SYNJ1: variants seen among roughly 807,000 people sequenced by gnomAD.
The protein encoded by SYNJ1 is synaptojanin 1.
Under a neutral mutation model 168.2 loss-of-function variants are expected in SYNJ1, and 78 were observed. The ratio of observed to expected loss-of-function variants is 0.46; its 90% CI spans 0.39 to 0.56. SYNJ1 has a LOEUF of 0.56. Among genes scored for constraint, SYNJ1 ranks in the 20% least tolerant of loss-of-function variants. The pLI, the probability that SYNJ1 is intolerant of heterozygous loss-of-function variation, is 0.00. For synonymous variants in SYNJ1, 539 were observed against 548.6 expected (o/e 0.98, Z 0.24); for missense variants, 1,303 against 1,597.6 (o/e 0.82, Z 3.14).
chr21:32,722,585 T>C (rs2043288585), intron 2 of SYNJ1, among the ~76,000 whole-genome samples: 1 of 152,198 alleles, frequency 6.6e-6, no homozygotes, highest in South Asian at 2.1e-4. Flanking sequence ...AAAATATCTC[T>C]TATTTTCAAA....
At chr21:32,719,673 A>G (rs1364493910) in intron 2 of SYNJ1, among the ~76,000 whole-genome samples, 2 of 151,528 alleles carry the variant, frequency 1.3e-5, no homozygotes, top group Non-Finnish European at 2.9e-5. Context: ...AGACCGTGCC[A>G]TTGCACTCCA....
intron 31 of SYNJ1, among the ~76,000 whole-genome samples, chr21:32,636,061 C>CA (rs753418458): frequency 8.5e-5 from 13 of 152,112 alleles, no homozygotes; most frequent in Non-Finnish European, 1.6e-4. Context: ...ATTTAACACT[C>CA]AGAGTTTTAT....
intron 14 of SYNJ1, chr21:32,670,741 G>A (rs989518329): frequency 1.1e-6 from 1 of 936,072 alleles, no homozygotes; most frequent in African/African-American, 1.8e-5. Flanking sequence ...AAAGAATAAA[G>A]TGACTGAGAA....
intron 26 of SYNJ1, 23 bp from the exon 27 acceptor site, chr21:32,643,480 CTA>C (rs2039936855): frequency 1.2e-6 from 2 of 1,611,452 alleles, no homozygotes; most frequent in African/African-American, 2.7e-5. Flanking sequence ...AGAACAGAAA[CTA>C]TATATTGTTC....
chr21:32,655,998 A>C (rs1244995660), intron 21 of SYNJ1, among the ~76,000 whole-genome samples: 1 of 152,162 alleles, frequency 6.6e-6, no homozygotes, highest in Non-Finnish European at 1.5e-5. Context: ...GGAGGGAGTC[A>C]TTCTTATCTC....
At chr21:32,694,938 A>C (rs975453054) in intron 5 of SYNJ1, 119 bp downstream of exon 5, 17 of 1,100,652 alleles carry the variant, frequency 1.5e-5, no homozygotes, top group Admixed American at 5.7e-5. Flanking sequence ...ACCAAGAACA[A>C]TCATAAAACA....
chr21:32,701,345 T>C (rs1023352532), intron 3 of SYNJ1, among the ~76,000 whole-genome samples: 1 of 152,190 alleles, frequency 6.6e-6, no homozygotes, highest in African/African-American at 2.4e-5. Context: ...GAGCTGACTT[T>C]TTTTTCTAGT....
In SYNJ1 at chr21:32,639,696, T is replaced by C; in HGVS notation, c.3672A>G (p.Gln1224=). 6.2e-7 allele frequency: 1 copy of C among 1,614,148 alleles called. No individual in the cohort carries two copies. Among genetic ancestry groups the C allele is most frequent in the Non-Finnish European group, 8.5e-7 (1 of 1,180,020 alleles). ...CTTTCGACGTTTCTGATGTTTTGCTTTGGCTTTCAGGAGTCAGTCTTCCAG... is the reference window on the plus strand; with the variant it reads ...CTTTCGACGTTTCTGATGTTTTGCTCTGGCTTTCAGGAGTCAGTCTTCCAG... ...ASAGRLTPES[Q]SKTSETSKGS... is the part of the protein sequence containing the mutation. Residue 1224 remains glutamine, a synonymous_variant, in exon 30 of 33, where the codon CAA becomes CAG. Coordinates refer to ENST00000674351, the MANE Select transcript of SYNJ1 (RefSeq NM_203446.3).
At position 32,722,204 on chromosome 21, in the gene SYNJ1, AAATATATAT is replaced by A. The variant is rs1247925085; in HGVS notation, c.124+4559_124+4567del. 3.7e-3 allele frequency among the ~76,000 whole-genome samples: 261 copies of A among 71,148 alleles called. 2 individuals carry two copies. Among genetic ancestry groups the A allele is most frequent in the African/African-American group, 0.011 (182 of 16,102 alleles). 46.7% of individuals were successfully genotyped at this position (71,148 alleles called of 152,430 possible). ...CCATCTCAAAGAAAAAAAAAAAAAAAAATATATATATATATATATATATATATAATGTAT... is the reference window on the plus strand; with the variant it reads ...CCATCTCAAAGAAAAAAAAAAAAAAAATATATATATATATATATAATGTAT... On this transcript the variant is annotated intron_variant, in intron 2 of 32. Transcript: ENST00000674351.
chr21:32,724,751 T>C (rs1173641325), intron 2 of SYNJ1, among the ~76,000 whole-genome samples: 3 of 152,208 alleles, frequency 2.0e-5, no homozygotes, highest in African/African-American at 7.2e-5. Context: ...TCAAATGACT[T>C]AAGAAGGTTT....
At chr21:32,707,548 G>T (rs1160410674) in intron 2 of SYNJ1, among the ~76,000 whole-genome samples, 1 of 151,744 alleles carries the variant, frequency 6.6e-6, no homozygotes, top group Admixed American at 6.6e-5. Context: ...TGCCCAGGCT[G>T]GTCTGAAACT....
At chr21:32,708,599 T>C (rs544128898) in intron 2 of SYNJ1, among the ~76,000 whole-genome samples, 1 of 152,364 alleles carries the variant, frequency 6.6e-6, no homozygotes, top group East Asian at 1.9e-4. Flanking sequence ...GTTCACATGC[T>C]GAACACATAA....
chr21:32,685,970 C>T (rs1331165691), intron 8 of SYNJ1, 53 bp from the exon 9 acceptor site: 1 of 1,553,454 alleles, frequency 6.4e-7, no homozygotes, highest in African/African-American at 1.4e-5. Context: ...AGGCAAATAT[C>T]CATCTAAATA....
At chr21:32,704,578 C>T (rs1387430167) in intron 2 of SYNJ1, among the ~76,000 whole-genome samples, 1 of 152,132 alleles carries the variant, frequency 6.6e-6, no homozygotes, top group Non-Finnish European at 1.5e-5. Flanking sequence ...GCATGAGTTC[C>T]TGAAGTCTGA....
intron 14 of SYNJ1, among the ~76,000 whole-genome samples, chr21:32,671,385 T>C (rs576669584): frequency 1.3e-4 from 20 of 152,320 alleles, no homozygotes; most frequent in South Asian, 6.2e-4. Flanking sequence ...ACTGCTATTA[T>C]GTGCAAGTCT....
chr21:32,727,256 T>C (rs1326705781), intron 1 of SYNJ1, among the ~76,000 whole-genome samples: 4 of 152,216 alleles, frequency 2.6e-5, no homozygotes, highest in South Asian at 4.1e-4. Context: ...ATCAGCTTCC[T>C]GCTTCAAGAT....
chr21:32,658,695 T>A (rs951397828), intron 18 of SYNJ1: 5 of 152,312 alleles, frequency 3.3e-5, no homozygotes, highest in African/African-American at 1.2e-4. Flanking sequence ...TGGTACAAAG[T>A]TCGCTCTTGC....
At chr21:32,712,543 T>C (rs1371814641) in intron 2 of SYNJ1, among the ~76,000 whole-genome samples, 1 of 151,882 alleles carries the variant, frequency 6.6e-6, no homozygotes, top group Non-Finnish European at 1.5e-5. Context: ...CTTGGTGACA[T>C]TTAAGGAAAA....
chr21:32,648,222 TC>T (rs1177042329), intron 23 of SYNJ1, among the ~76,000 whole-genome samples: 1 of 152,182 alleles, frequency 6.6e-6, no homozygotes, highest in Non-Finnish European at 1.5e-5. Context: ...GCCTGTCCCA[TC>T]CAAAACCACC....
Sources: allele counts gnomAD v4.1 joint callset (sites outside exome capture counted in the v4.1 genomes callset), GRCh38; gene constraint gnomAD v4.1.1; transcripts MANE v1.5; gene names NCBI Gene and HGNC (gene_info 2026-07-23, HGNC 2026-07-21).